Variants in DOCK2 observed in about 807,000 individuals in gnomAD.
DOCK2 encodes dedicator of cytokinesis protein 2.
Under a neutral mutation model 248.9 loss-of-function variants are expected in DOCK2, and 87 were observed. The ratio of observed to expected loss-of-function variants is 0.35; its 90% confidence interval spans 0.29 to 0.42. DOCK2 has a LOEUF of 0.42. Among genes scored for constraint, DOCK2 ranks in the 10% least tolerant of loss-of-function variants. The pLI is 1.00. For synonymous variants in DOCK2, 805 were observed against 821.6 expected, an observed-to-expected ratio of 0.98 and a Z score of 0.35; for missense variants, 1,747 against 2,300.2, an observed-to-expected ratio of 0.76 and a Z score of 4.92.
At chr5:169,693,482 A>G (rs1025817765) in intron 9 of DOCK2, among the ~76,000 whole-genome samples, 12 of 152,150 alleles carry the variant, frequency 7.9e-5, no homozygotes, top group Admixed American at 2.0e-4. Flanking sequence ...TGTTGGGGGG[A>G]AATAAATGAA....
At chr5:169,819,988 T>C (rs155070) in intron 26 of DOCK2, among the ~76,000 whole-genome samples, 88,142 of 152,134 alleles carry the variant, frequency 0.58, 26,432 homozygotes, top group African/African-American at 0.72. Flanking sequence ...GTGCCTGGCT[T>C]GGAGGGTCCC....
rs1769387996 is a variant in DOCK2 at position 169,833,816 on chromosome 5, C to A, written c.2704-6941C>A. On this transcript the variant is annotated intron_variant, in intron 26 of 51. Coordinates refer to ENST00000520908, the MANE Select transcript of DOCK2 (RefSeq NM_004946.3). ...AGGCCTTCACACATCATGCAGGGAT[C>A]AGACAATTCTTATTTGTGAAATCCT... 3.3e-5 allele frequency among the ~76,000 whole-genome samples: 5 copies of A among 152,198 alleles called. No individual in the cohort carries two copies. The South Asian group carries it at 1.0e-3, about 31-fold the overall frequency.
intron 30 of DOCK2, among the ~76,000 whole-genome samples, chr5:170,000,682 T>C (rs779681154): frequency 8.8e-5 from 13 of 147,452 alleles, no homozygotes; most frequent in Non-Finnish European, 1.8e-4. Flanking sequence ...CCAGAAAGAC[T>C]CTGTGTTAGG....
At chr5:169,997,433 G>A (rs1165613264) in intron 30 of DOCK2, among the ~76,000 whole-genome samples, 1 of 147,192 alleles carries the variant, frequency 6.8e-6, no homozygotes, top group African/African-American at 2.6e-5. Flanking sequence ...TATGGGTGTC[G>A]GGCTGGGGGA....
intron 35 of DOCK2, 53 bp from the exon 36 acceptor site, chr5:170,036,462 G>A (rs6863396): frequency 1.6e-5 from 25 of 1,573,196 alleles, no homozygotes; most frequent in African/African-American, 1.4e-4. Flanking sequence ...ACCCTTGACC[G>A]CTGTGATATT....
chr5:169,812,478 G>A (rs1245815115), intron 26 of DOCK2, among the ~76,000 whole-genome samples: 1 of 152,188 alleles, frequency 6.6e-6, no homozygotes, highest in African/African-American at 2.4e-5. Context: ...CACGGTAAAT[G>A]TAATGCACTT....
At chr5:170,072,821 G>A (rs1321488771) in intron 46 of DOCK2, among the ~76,000 whole-genome samples, 1 of 152,118 alleles carries the variant, frequency 6.6e-6, no homozygotes, top group African/African-American at 2.4e-5. Flanking sequence ...TTACCCTTTT[G>A]TGAAATACTT....
chr5:169,773,095 C>T (rs1382474155), intron 25 of DOCK2: 3 of 152,238 alleles, frequency 2.0e-5, no homozygotes, highest in Non-Finnish European at 1.5e-5. Context: ...CCCTTCCACA[C>T]TCTGGAGATC....
intron 25 of DOCK2, among the ~76,000 whole-genome samples, chr5:169,799,408 A>G (rs1373583474): frequency 2.0e-5 from 3 of 152,320 alleles, no homozygotes; most frequent in East Asian, 3.9e-4. Flanking sequence ...TCGTATCCCA[A>G]TGACAAAGCA....
At chr5:169,701,693 T>G (rs1367406782) in intron 13 of DOCK2, among the ~76,000 whole-genome samples, 1 of 152,072 alleles carries the variant, frequency 6.6e-6, no homozygotes, top group South Asian at 2.1e-4. Flanking sequence ...TTTTTTGTAT[T>G]TTTTGATACA....
At chr5:169,801,146 GTTTTTTTTT>G (rs60574755) in intron 25 of DOCK2, among the ~76,000 whole-genome samples, 8 of 76,074 alleles carry the variant, frequency 1.1e-4, no homozygotes, top group South Asian at 5.8e-4. Flanking sequence ...ATAGTTTTGG[GTTTTTTTTT>G]TTTTTTTTTT....
At chr5:169,727,267 G>C (rs146296784) in intron 22 of DOCK2, among the ~76,000 whole-genome samples, 1 of 152,074 alleles carries the variant, frequency 6.6e-6, no homozygotes, top group East Asian at 1.9e-4. Context: ...ATACAACAAC[G>C]CTGCAAAGCA....
At chr5:169,998,639 G>A (rs1754729883) in intron 30 of DOCK2, among the ~76,000 whole-genome samples, 1 of 152,180 alleles carries the variant, frequency 6.6e-6, no homozygotes, top group South Asian at 2.1e-4. Flanking sequence ...GAGATAATAA[G>A]GAGATAGCAT....
chr5:169,853,372 C>T (rs1037279750), intron 27 of DOCK2, among the ~76,000 whole-genome samples: 4 of 152,238 alleles, frequency 2.6e-5, no homozygotes, highest in East Asian at 1.9e-4. Context: ...CCATCGCCCC[C>T]GTCCAGGGCA....
At chr5:169,721,396 C>G (rs1762196791) in intron 22 of DOCK2, among the ~76,000 whole-genome samples, 1 of 152,156 alleles carries the variant, frequency 6.6e-6, no homozygotes, top group Non-Finnish European at 1.5e-5. Context: ...GGTTTTGTGT[C>G]TTGTTCTTTT....
chr5:169,662,363 C>G (rs1262823051), intron 2 of DOCK2, among the ~76,000 whole-genome samples: 6 of 152,100 alleles, frequency 3.9e-5, no homozygotes, highest in Admixed American at 3.9e-4. Flanking sequence ...TTGATATTAA[C>G]CCCTTATCAG....
chr5:169,979,271 G>A (rs769250527), intron 27 of DOCK2, among the ~76,000 whole-genome samples: 1 of 152,118 alleles, frequency 6.6e-6, no homozygotes, highest in African/African-American at 2.4e-5. Context: ...TAAGTTGCTA[G>A]GGCAAATGCA....
rs558262313 is a variant in DOCK2 at position 169,658,058 on chromosome 5, C to T, written c.127+3572C>T. Among the ~76,000 whole-genome samples, 55 of 152,158 alleles carry T rather than the reference C, an allele frequency of 3.6e-4. 2 individuals carry two copies. The South Asian group carries it at 9.3e-3, about 26-fold the overall frequency. On this transcript the variant is annotated intron_variant, in intron 2 of 51. Coordinates refer to ENST00000520908, the MANE Select transcript of DOCK2 (RefSeq NM_004946.3). ...AACATGGAATTAAAAAAAATAACCA[C>T]GTCTATCTTTGAATGCTTTTCATAA...
intron 7 of DOCK2, 81 bp downstream of exon 7, chr5:169,681,960 C>A: frequency 6.4e-7 from 1 of 1,557,672 alleles, no homozygotes; most frequent in South Asian, 1.2e-5. Context: ...GCTAATGAAC[C>A]AGACTGTGTA....
Sources: gnomAD v4.1 joint callset for allele counts (sites outside exome capture counted in the v4.1 genomes callset) on GRCh38, gnomAD v4.1.1 for gene constraint, MANE v1.5 for transcripts, NCBI Gene and HGNC (gene_info 2026-07-23, HGNC 2026-07-21) for gene names.